TMEM177: variants seen among roughly 807,000 people sequenced by gnomAD.
The protein encoded by TMEM177 is transmembrane protein 177.
A neutral mutation model predicts 14.2 loss-of-function variants in TMEM177; 4 were observed. That is an observed-to-expected ratio of 0.28 (90% CI 0.14 to 0.64). The LOEUF (loss-of-function observed/expected upper bound fraction) is 0.64. Ranked by LOEUF, TMEM177 falls within the 30% of genes least tolerant of loss-of-function variation. The pLI is 0.82. For synonymous variants in TMEM177, 179 were observed against 174.5 expected (o/e 1.03, Z -0.20); for missense variants, 344 against 405.2 (o/e 0.85, Z 1.30).
chr2:119,705,990 A>ATATATATTATATATTACATATTATATAT, the TMEM177 span, among the ~76,000 whole-genome samples: 17 of 14,612 alleles, frequency 1.2e-3, no homozygotes, highest in African/African-American at 2.0e-3. Context: ...CTCTCTATAT[A>ATATATATTATATATTACATATTATATAT]TATATATTAT....
At chr2:119,693,661 A>G in the TMEM177 span, among the ~76,000 whole-genome samples, 1 of 152,112 alleles carries the variant, frequency 6.6e-6, no homozygotes, top group South Asian at 2.1e-4. Flanking sequence ...CATTCTCTAA[A>G]TACCTGGGGG....
the TMEM177 span, among the ~76,000 whole-genome samples, chr2:119,711,216 G>GT: frequency 6.6e-6 from 1 of 152,110 alleles, no homozygotes; most frequent in Non-Finnish European, 1.5e-5. Flanking sequence ...GACCATAGGG[G>GT]TTTTTTAATA....
At chr2:119,704,353 A>T in the TMEM177 span, among the ~76,000 whole-genome samples, 1 of 152,202 alleles carries the variant, frequency 6.6e-6, no homozygotes, top group Non-Finnish European at 1.5e-5. Flanking sequence ...TAATCCCAGC[A>T]GTTTGGGAGG....
the TMEM177 span, among the ~76,000 whole-genome samples, chr2:119,696,617 G>C: frequency 6.6e-6 from 1 of 152,222 alleles, no homozygotes; most frequent in Non-Finnish European, 1.5e-5. Context: ...GTGGGACAAG[G>C]GATGGGAAGG....
the TMEM177 span, among the ~76,000 whole-genome samples, chr2:119,704,766 T>C: frequency 6.6e-6 from 1 of 152,228 alleles, no homozygotes; most frequent in South Asian, 2.1e-4. Flanking sequence ...AGGAGCTGAC[T>C]TAATTTCTCA....
intron 1 of TMEM177, 170 bp downstream of exon 1, chr2:119,679,446 T>G (rs991464165): frequency 9.9e-5 from 15 of 152,034 alleles, no homozygotes; most frequent in African/African-American, 3.4e-4. Flanking sequence ...TGGACTTTGG[T>G]CCAGACCTTT....
At chr2:119,694,927 A>C in the TMEM177 span, among the ~76,000 whole-genome samples, 1 of 152,292 alleles carries the variant, frequency 6.6e-6, no homozygotes, top group Non-Finnish European at 1.5e-5. Context: ...CTATTTGGAC[A>C]ATTCATGTCA....
the TMEM177 span, among the ~76,000 whole-genome samples, chr2:119,694,280 C>CCACACA: frequency 6.8e-3 from 1,015 of 149,790 alleles, 15 homozygotes; most frequent in East Asian, 0.05. Context: ...GTGTGGTATA[C>CCACACA]CACACACACA....
chr2:119,694,844 C>G, the TMEM177 span, among the ~76,000 whole-genome samples: 1 of 152,144 alleles, frequency 6.6e-6, no homozygotes, highest in African/African-American at 2.4e-5. Flanking sequence ...GGAGTTGCTA[C>G]CACAGCATCA....
chr2:119,712,022 C>G, the TMEM177 span, among the ~76,000 whole-genome samples: 1 of 151,960 alleles, frequency 6.6e-6, no homozygotes, highest in East Asian at 1.9e-4. Context: ...AGAGACAGGT[C>G]CAGAGCCTGG....
At chr2:119,696,789 G>T in the TMEM177 span, among the ~76,000 whole-genome samples, 3 of 152,142 alleles carry the variant, frequency 2.0e-5, no homozygotes, top group African/African-American at 4.8e-5. Context: ...AGGCAGGAGC[G>T]GGCCTGGCAC....
chr2:119,687,946 C>T (rs1434522494), downstream of TMEM177, among the ~76,000 whole-genome samples: 2 of 152,134 alleles, frequency 1.3e-5, no homozygotes, highest in African/African-American at 4.8e-5. Context: ...TCTTTTGACC[C>T]AGTAATTTCA....
chr2:119,695,425 C>T, the TMEM177 span, among the ~76,000 whole-genome samples: 8 of 152,248 alleles, frequency 5.3e-5, no homozygotes, highest in East Asian at 1.3e-3. Context: ...GTCTGTCTCT[C>T]CCAACTGGGC....
the TMEM177 span, among the ~76,000 whole-genome samples, chr2:119,711,455 G>A: frequency 0.02 from 3,120 of 152,220 alleles, 44 homozygotes; most frequent in Non-Finnish European, 0.032. Flanking sequence ...CCCCTGGCAC[G>A]TAGGCAGTCA....
At chr2:119,695,755 G>C in the TMEM177 span, among the ~76,000 whole-genome samples, 1 of 152,182 alleles carries the variant, frequency 6.6e-6, no homozygotes, top group Non-Finnish European at 1.5e-5. Context: ...CAGCACCCTG[G>C]GGTGGTAAAT....
At chr2:119,687,009 C>A (rs940681745), downstream of TMEM177, among the ~76,000 whole-genome samples, 13 of 152,154 alleles carry the variant, frequency 8.5e-5, no homozygotes, top group Non-Finnish European at 1.5e-5. Flanking sequence ...ATATTTTTGG[C>A]CCTGGTTCAT....
At chr2:119,698,891 G>T in the TMEM177 span, 1 of 152,472 alleles carries the variant, frequency 6.6e-6, no homozygotes. Context: ...CAGCTACTTG[G>T]GAGGCTGAGG....
downstream of TMEM177, among the ~76,000 whole-genome samples, chr2:119,689,609 C>T (rs1287903948): frequency 2.6e-5 from 4 of 152,288 alleles, no homozygotes; most frequent in Middle Eastern, 3.4e-3. Flanking sequence ...ATAAAGAAGT[C>T]GAATGGCTTC....
rs747648660 is a variant in TMEM177, at chr2:119,681,247, C to T, written c.394C>T (p.Arg132Trp). ...VVIHGHTVDW[R>W]SPAGARLRAS... Reference sequence around the variant, plus strand: ...CATACATGGGCATACAGTGGACTGGCGGAGCCCAGCAGGCGCCCGGCTGAG... The same window carrying T: ...CATACATGGGCATACAGTGGACTGGTGGAGCCCAGCAGGCGCCCGGCTGAG... Residue 132 changes from arginine to tryptophan, a missense_variant, in exon 2 of 2, where the codon CGG becomes TGG. Transcript: ENST00000272521. The T allele has an allele frequency of 9.3e-6, 15 of 1,614,138 alleles. No homozygotes were observed. The highest frequency in any genetic ancestry group is 4.0e-5 in the African/African-American group (3 of 74,958).
Sources: gnomAD v4.1 joint callset for allele counts (sites outside exome capture counted in the v4.1 genomes callset) on GRCh38, gnomAD v4.1.1 for gene constraint, MANE v1.5 for transcripts, NCBI Gene and HGNC (gene_info 2026-07-23, HGNC 2026-07-21) for gene names.